EYS: variants seen among roughly 807,000 people sequenced by gnomAD.
The protein encoded by EYS is EGF-like photoreceptor maintenance factor, also known as protein eyes shut homolog.
In EYS, 250 loss-of-function variants were observed where a neutral mutation model predicts 282.1. That is an observed-to-expected ratio of 0.89 (90% CI 0.80 to 0.98). The LOEUF is 0.98. Ranked by LOEUF, EYS falls within the 50% of genes least tolerant of loss-of-function variation. The probability of loss-of-function intolerance (pLI) is 0.00; values close to 1 mark genes in which losing one functional copy is unlikely to be tolerated. For missense variants in EYS, 4,016 were observed against 3,709.0 expected (o/e 1.08, Z -2.15); for synonymous variants, 1,355 against 1,282.9 (o/e 1.06, Z -1.20).
At chr6:64,661,526 C>T (rs1268156657) in intron 22 of EYS, among the ~76,000 whole-genome samples, 2 of 152,004 alleles carry the variant, frequency 1.3e-5, no homozygotes, top group African/African-American at 2.4e-5. Flanking sequence ...AAAATGAACT[C>T]AAACAAATTG....
rs962866547 is a variant in EYS, at chr6:64,755,509, C to G, written c.3443+57869G>C. On this transcript the variant is annotated intron_variant, in intron 22 of 42. Transcript: ENST00000503581. ...TTGAGAACATACATACACACACACA[C>G]ACACACACACACACACACACACACA... Among the ~76,000 whole-genome samples the G allele has an allele frequency of 3.7e-3, 538 of 146,878 alleles. 3 individuals carry two copies. Among genetic ancestry groups the G allele is most frequent in the African/African-American group, 0.012 (470 of 38,030 alleles).
At chr6:65,250,993 G>GA (rs924305647) in intron 12 of EYS, among the ~76,000 whole-genome samples, 4 of 93,662 alleles carry the variant, frequency 4.3e-5, no homozygotes, top group Admixed American at 1.3e-4. Context: ...TAAGTGATAT[G>GA]AAAAAAATAT....
At chr6:64,348,342 C>A (rs552307869) in intron 29 of EYS, among the ~76,000 whole-genome samples, 1 of 151,516 alleles carries the variant, frequency 6.6e-6, no homozygotes, top group African/African-American at 2.4e-5. Context: ...GGTCTTCAAG[C>A]AAAGAGATAA....
rs139449544 is a variant in EYS at position 64,309,856 on chromosome 6, T to C, written c.6079-2774A>G. Reference sequence around the variant, plus strand: ...GGTGCACACCTGTAGTCCCAGCTACTCGGGAGGCTGTGGCAAGAGAATTGC... The same window carrying C: ...GGTGCACACCTGTAGTCCCAGCTACCCGGGAGGCTGTGGCAAGAGAATTGC... On this transcript the variant is annotated intron_variant, in intron 29 of 42. Transcript: ENST00000503581. 7.1e-3 allele frequency among the ~76,000 whole-genome samples: 1,082 copies of C among 151,460 alleles called. 7 individuals carry two copies. Among genetic ancestry groups the C allele is most frequent in the South Asian group, 0.013 (62 of 4,794 alleles).
chr6:64,314,449 G>T (rs899329590), intron 29 of EYS, among the ~76,000 whole-genome samples: 1 of 151,994 alleles, frequency 6.6e-6, no homozygotes, highest in Admixed American at 6.6e-5. Context: ...ACTTTAACAC[G>T]CCACTGTCAA....
intron 29 of EYS, among the ~76,000 whole-genome samples, chr6:64,364,279 T>C (rs1451544429): frequency 2.6e-5 from 4 of 151,944 alleles, no homozygotes; most frequent in Admixed American, 2.0e-4. Context: ...CTGTGTAAAC[T>C]TAGTTCAGTC....
At chr6:65,422,705 G>C (rs1414051665) in intron 5 of EYS, among the ~76,000 whole-genome samples, 1 of 151,722 alleles carries the variant, frequency 6.6e-6, no homozygotes, top group Admixed American at 6.6e-5. Flanking sequence ...CATCTAACAG[G>C]AGGGTAAGTT....
At chr6:64,481,095 T>C (rs1391051530) in intron 26 of EYS, among the ~76,000 whole-genome samples, 1 of 151,414 alleles carries the variant, frequency 6.6e-6, no homozygotes, top group Admixed American at 6.6e-5. Flanking sequence ...ATTTTGGTTC[T>C]GAATGTATTT....
At position 64,786,504 on chromosome 6, in the gene EYS, A is replaced by G. The variant is rs150769820; in HGVS notation, c.3443+26874T>C. Among the ~76,000 whole-genome samples the G allele has an allele frequency of 4.1e-3, 619 of 152,208 alleles. 6 individuals carry two copies. The highest frequency in any genetic ancestry group is 0.014 in the African/African-American group (599 of 41,532). ...CAGGGCACCATGATGTTCTACACAC[A>G]TGGGGATATGCGGGGGCAGTCATGT... On this transcript the variant is annotated intron_variant, in intron 22 of 42. Coordinates refer to ENST00000503581, the MANE Select transcript of EYS (RefSeq NM_001142800.2).
At chr6:64,659,010 CA>C (rs536891466) in intron 22 of EYS, among the ~76,000 whole-genome samples, 93 of 152,246 alleles carry the variant, frequency 6.1e-4, no homozygotes, top group African/African-American at 2.1e-3. Context: ...TCAGCAAATG[CA>C]AAAGAACAGA....
At chr6:64,952,991 A>C (rs1218064219) in intron 14 of EYS, among the ~76,000 whole-genome samples, 1 of 151,880 alleles carries the variant, frequency 6.6e-6, no homozygotes, top group Non-Finnish European at 1.5e-5. Context: ...GTCATGGAGG[A>C]TATTTTATTT....
At chr6:64,815,754 C>T (rs983248101) in intron 21 of EYS, among the ~76,000 whole-genome samples, 3 of 152,010 alleles carry the variant, frequency 2.0e-5, no homozygotes, top group African/African-American at 7.2e-5. Flanking sequence ...AGGAATCCTG[C>T]AGACCAGGGC....
chr6:63,788,127 T>G lies in EYS; in HGVS notation c.7701A>C (p.Ala2567=), dbSNP rs1582207658. The part of the protein sequence containing the change: ...EYTPDLLPNG[A]DFKNGFQGCI... ...TACCTTGAAAACCATTTTTAAAATCTGCTCCATTTGGTAAGAGATCTGGAG... is the reference window on the plus strand; with the variant it reads ...TACCTTGAAAACCATTTTTAAAATCGGCTCCATTTGGTAAGAGATCTGGAG... The change falls in exon 39 of 43, where the codon GCA becomes GCC. Residue 2567 remains alanine (A), a synonymous_variant. Coordinates refer to ENST00000503581, the MANE Select transcript of EYS (RefSeq NM_001142800.2). 6.5e-7 allele frequency: 1 copy of G among 1,541,342 alleles called. No individual in the cohort carries two copies. Among genetic ancestry groups the G allele is most frequent in the Middle Eastern group, 1.7e-4 (1 of 5,964 alleles).
At chr6:64,596,036 C>T (rs529079015) in intron 24 of EYS, among the ~76,000 whole-genome samples, 81 of 152,122 alleles carry the variant, frequency 5.3e-4, no homozygotes, top group African/African-American at 1.9e-3. Context: ...GGAGGAGGCA[C>T]ATCACATGAC....
intron 31 of EYS, among the ~76,000 whole-genome samples, chr6:64,186,382 CTT>C (rs1764947912): frequency 6.6e-6 from 1 of 151,942 alleles, no homozygotes; most frequent in South Asian, 2.1e-4. Context: ...GTTGCAACTT[CTT>C]TGTTACATTA....
intron 40 of EYS, among the ~76,000 whole-genome samples, chr6:63,763,952 G>A (rs1272563710): frequency 1.4e-5 from 2 of 144,114 alleles, no homozygotes; most frequent in South Asian, 2.2e-4. Flanking sequence ...TGCCCCCTCC[G>A]GCCTCCCTCC....
At chr6:63,976,226 T>G (rs1562127559) in intron 35 of EYS, among the ~76,000 whole-genome samples, 1 of 152,040 alleles carries the variant, frequency 6.6e-6, no homozygotes, top group South Asian at 2.1e-4. Flanking sequence ...TACCGTATAT[T>G]ACCGTAGACT....
chr6:64,451,610 A>G (rs1285003502), intron 26 of EYS, among the ~76,000 whole-genome samples: 7 of 152,222 alleles, frequency 4.6e-5, no homozygotes, highest in African/African-American at 1.2e-4. Context: ...AAAATCCTCA[A>G]TAAAATACTG....
rs921230064 is a variant in EYS at position 63,720,488 on chromosome 6, T to C, written c.*108A>G. On this transcript the variant is annotated 3_prime_UTR_variant, in exon 43 of 43. Transcript: ENST00000503581. ...AAGATATGTTAGCATTTAGACTATT[T>C]CAGGTAATATAGTAAACAGTTGATT... 6 of 759,278 alleles carry C rather than the reference T, an allele frequency of 7.9e-6. No individual in the cohort carries two copies. The highest frequency in any genetic ancestry group is 7.0e-5 in the Admixed American group (2 of 28,494). 47.0% of individuals were successfully genotyped at this position (759,278 alleles called of 1,614,324 possible). A position where few individuals can be genotyped will look rare whatever the true frequency, so the allele number is the denominator to read the frequency against.
Sources: allele counts gnomAD v4.1 joint callset (sites outside exome capture counted in the v4.1 genomes callset), GRCh38; gene constraint gnomAD v4.1.1; transcripts MANE v1.5; gene names NCBI Gene and HGNC (gene_info 2026-07-23, HGNC 2026-07-21).